VIPAS39: variants seen among roughly 807,000 people sequenced by gnomAD.
VIPAS39 encodes VPS33B interacting protein, apical-basolateral polarity regulator, spe-39 homolog.
A neutral mutation model predicts 84.7 loss-of-function variants in VIPAS39; 63 were observed. That is an observed-to-expected ratio of 0.74 (90% CI 0.61 to 0.92). The LOEUF is 0.92. Among genes scored for constraint, VIPAS39 ranks in the 40% least tolerant of loss-of-function variants. The probability of loss-of-function intolerance (pLI) is 0.00; values close to 1 mark genes in which losing one functional copy is unlikely to be tolerated. For synonymous variants in VIPAS39, 192 were observed against 216.5 expected (o/e 0.89, Z 0.99); for missense variants, 499 against 604.5 (o/e 0.83, Z 1.83).
chr14:77,457,330 T>A, intron 1 of VIPAS39, 165 bp downstream of exon 1: 2 of 1,535,588 alleles, frequency 1.3e-6, no homozygotes, highest in Non-Finnish European at 1.7e-6. Flanking sequence ...GCAGCCCCAG[T>A]CCCAAGCGTA....
At chr14:77,449,539 T>C (rs1462081046) in intron 5 of VIPAS39, among the ~76,000 whole-genome samples, 175 bp downstream of exon 5, 1 of 152,244 alleles carries the variant, frequency 6.6e-6, no homozygotes, top group Non-Finnish European at 1.5e-5. Flanking sequence ...TTTGCCCCTG[T>C]AGCTAGAATG....
chr14:77,436,059 T>A, intron 12 of VIPAS39, 140 bp from the exon 13 acceptor site: 1 of 834,660 alleles, frequency 1.2e-6, no homozygotes, highest in Non-Finnish European at 2.0e-6. Context: ...GAGCGTCCCT[T>A]AAAGAAAGAC....
chr14:77,435,876 A>G lies in VIPAS39; in HGVS notation c.880T>C (p.Tyr294His). 7 of 1,614,186 alleles carry G rather than the reference A, an allele frequency of 4.3e-6. No individual in the cohort carries two copies. The highest frequency in any genetic ancestry group is 5.9e-6 in the Non-Finnish European group (7 of 1,180,022). ...ATGATCTGACGTTCCAGGAGCGTGT[A>G]ATGGTCCTGTATGTGTGCGGAATCT... ...AEDSAHIQDH[Y>H]TLLERQIIIE... The change falls in exon 13 of 20, where the codon TAC (tyrosine) becomes CAC (histidine). Residue 294 changes from tyrosine (Y) to histidine (H), a missense_variant. Physicochemically the swap from Tyr to His is moderately conservative, Grantham distance 83. Coordinates refer to ENST00000557658, the MANE Select transcript of VIPAS39 (RefSeq NM_001193315.2).
At chr14:77,432,895 A>G (rs747934375) in intron 16 of VIPAS39, among the ~76,000 whole-genome samples, 8 of 152,202 alleles carry the variant, frequency 5.3e-5, no homozygotes, top group African/African-American at 9.7e-5. Flanking sequence ...TTCTTACCAC[A>G]CTCACAAAAA....
intron 11 of VIPAS39, among the ~76,000 whole-genome samples, chr14:77,438,879 G>C (rs192003324): frequency 6.6e-6 from 1 of 152,196 alleles, no homozygotes; most frequent in Admixed American, 6.5e-5. Flanking sequence ...AAATGTAAAT[G>C]TATATAAAAA....
chr14:77,443,025 A>G (rs929715403), intron 9 of VIPAS39, 94 bp downstream of exon 9: 4 of 1,534,594 alleles, frequency 2.6e-6, no homozygotes, highest in Non-Finnish European at 3.6e-6. Flanking sequence ...AATAGACTTG[A>G]CTAATGAATT....
chr14:77,435,667 A>G (rs1439418925), intron 13 of VIPAS39, among the ~76,000 whole-genome samples, 177 bp downstream of exon 13: 9 of 152,194 alleles, frequency 5.9e-5, no homozygotes, highest in African/African-American at 2.2e-4. Context: ...AGCTGGTAAG[A>G]GGAAAAAGGA....
At chr14:77,443,379 C>T (rs1050971969) in intron 8 of VIPAS39, among the ~76,000 whole-genome samples, 3 of 152,168 alleles carry the variant, frequency 2.0e-5, no homozygotes, top group African/African-American at 2.4e-5. Flanking sequence ...AAAGAGGATA[C>T]GCTCACATCT....
intron 16 of VIPAS39, among the ~76,000 whole-genome samples, chr14:77,430,984 C>T (rs1167453119): frequency 2.6e-5 from 4 of 152,084 alleles, no homozygotes; most frequent in African/African-American, 7.2e-5. Context: ...TGGATTTCCA[C>T]ATGCAAAAGA....
chr14:77,428,483 C>G lies in VIPAS39; in HGVS notation c.1357-9G>C, dbSNP rs1238256110. The G allele has an allele frequency of 1.2e-6, 2 of 1,612,912 alleles. No homozygotes were observed. The highest frequency in any genetic ancestry group is 1.7e-6 in the Non-Finnish European group (2 of 1,179,364). On this transcript the variant is annotated splice_polypyrimidine_tract_variant and intron_variant, in intron 18 of 19. Transcript: ENST00000557658. The stretch of plus-strand genomic sequence containing the variant: ...TTCAGGTCCCGGTAGGTCTGTGCAT[C>G]AAAACAAACAATACAAACCTCCAAT...
intron 1 of VIPAS39, among the ~76,000 whole-genome samples, chr14:77,456,660 A>G (rs764215354): frequency 6.6e-6 from 1 of 152,246 alleles, no homozygotes; most frequent in Non-Finnish European, 1.5e-5. Flanking sequence ...TTCACTTTCC[A>G]GAAAACTAGA....
At chr14:77,439,673 C>T (rs1594904853) in intron 11 of VIPAS39, among the ~76,000 whole-genome samples, 2 of 152,104 alleles carry the variant, frequency 1.3e-5, no homozygotes, top group Admixed American at 1.3e-4. Context: ...CACCTGTAGT[C>T]CCAGCTACTT....
chr14:77,449,774 G>A lies in VIPAS39; in HGVS notation c.344-22C>T, dbSNP rs147590477. The A allele has an allele frequency of 5.7e-5, 92 of 1,614,044 alleles. No individual in the cohort carries two copies. The African/African-American group carries it at 9.6e-4, about 17-fold the overall frequency. Reference sequence around the variant, plus strand: ...CTACCTAAAGGTAAAGAACACAAGAGGGAAAAGGTCAACAGTTTCAATCAG... The same window carrying A: ...CTACCTAAAGGTAAAGAACACAAGAAGGAAAAGGTCAACAGTTTCAATCAG... On this transcript the variant is annotated intron_variant, in intron 4 of 19. Coordinates refer to ENST00000557658, the MANE Select transcript of VIPAS39 (RefSeq NM_001193315.2).
rs569350683 is a variant in VIPAS39 at position 77,455,276 on chromosome 14, T to C, written c.1-1174A>G. ...GGTGGGAGGATCACCTGAGCCCAAG[T>C]TCAAGACTAGCCTGGGCAACATTGT... On this transcript the variant is annotated intron_variant, in intron 1 of 19. Transcript: ENST00000557658. Among the ~76,000 whole-genome samples the C allele has an allele frequency of 2.6e-5, 4 of 152,036 alleles. No homozygotes were observed. In the South Asian group the frequency reaches 8.3e-4, roughly 32 times the overall value.
Position 77,457,509 on chromosome 14 carries a change from G to C in VIPAS39, c.-15C>G, listed in dbSNP as rs2078980916. 3 of 1,017,160 alleles carry C rather than the reference G, an allele frequency of 2.9e-6. No homozygotes were observed. The highest frequency in any genetic ancestry group is 4.3e-6 in the Non-Finnish European group (3 of 692,918). 63.0% of individuals were successfully genotyped at this position (1,017,160 alleles called of 1,614,324 possible). On this transcript the variant is annotated 5_prime_UTR_variant, in exon 1 of 20. Transcript: ENST00000557658. The stretch of plus-strand genomic sequence containing the variant: ...GACACCCTCACCTCTTCCGCACAGA[G>C]CCCTCCCTCTCAGGACAGCGCCAGC...
rs142213345 is a variant in VIPAS39, at chr14:77,435,897, A to G, written c.859T>C (p.Ser287Pro). The stretch of plus-strand genomic sequence containing the variant: ...GTGTAATGGTCCTGTATGTGTGCGG[A>G]ATCTTCTGCTGAAAATGGCAAACTG... The part of the protein sequence containing the change: ...CVGLPFSAED[S>P]AHIQDHYTLL... Residue 287 changes from serine to proline, a missense_variant, in exon 13 of 20, where the codon TCC becomes CCC. Ser to Pro is a moderately conservative substitution (Grantham distance 74, BLOSUM62 -1). Transcript: ENST00000557658. 6.2e-7 allele frequency: 1 copy of G among 1,614,162 alleles called. No individual in the cohort carries two copies. Among genetic ancestry groups the G allele is most frequent in the Non-Finnish European group, 8.5e-7 (1 of 1,180,020 alleles).
At chr14:77,444,857 C>T (rs979468765) in intron 7 of VIPAS39, among the ~76,000 whole-genome samples, 4 of 152,030 alleles carry the variant, frequency 2.6e-5, no homozygotes, top group Non-Finnish European at 1.5e-5. Flanking sequence ...GCTGGGATTA[C>T]AGGCATGAGC....
At chr14:77,452,587 C>A (rs1310412248) in intron 3 of VIPAS39, among the ~76,000 whole-genome samples, 1 of 151,940 alleles carries the variant, frequency 6.6e-6, no homozygotes, top group Non-Finnish European at 1.5e-5. Flanking sequence ...CAAGACCAGC[C>A]TGGCCAACAT....
chr14:77,445,238 C>T (rs1483060700), intron 7 of VIPAS39, among the ~76,000 whole-genome samples: 1 of 152,136 alleles, frequency 6.6e-6, no homozygotes, highest in African/African-American at 2.4e-5. Context: ...GGATTACAGG[C>T]GTGAGCCACC....
Sources: gnomAD v4.1 joint callset for allele counts (sites outside exome capture counted in the v4.1 genomes callset) on GRCh38, gnomAD v4.1.1 for gene constraint, MANE v1.5 for transcripts, NCBI Gene and HGNC (gene_info 2026-07-23, HGNC 2026-07-21) for gene names.